The following SLTM variants were observed in gnomAD, a reference collection of about 807,000 sequenced individuals.
The protein encoded by SLTM is SAFB like transcription modulator.
Under a neutral mutation model 134.6 loss-of-function variants are expected in SLTM, and 43 were observed. That is an observed-to-expected ratio of 0.32 (90% confidence interval 0.25 to 0.41). SLTM has a LOEUF of 0.41. SLTM is among the 10% of genes least tolerant of loss of function. The probability of loss-of-function intolerance (pLI) is 1.00; values close to 1 mark genes in which losing one functional copy is unlikely to be tolerated. For synonymous variants in SLTM, 424 were observed against 432.3 expected, an observed-to-expected ratio of 0.98 and a Z score of 0.24; for missense variants, 1,055 against 1,288.8, an observed-to-expected ratio of 0.82 and a Z score of 2.78.
At position 58,899,812 on chromosome 15, in the gene SLTM, C is replaced by T; in HGVS notation, c.715G>A (p.Glu239Lys). The T allele has an allele frequency of 6.2e-7, 1 of 1,614,144 alleles. No homozygotes were observed. The highest frequency in any genetic ancestry group is 8.5e-7 in the Non-Finnish European group (1 of 1,180,022). Residue 239 changes from glutamate to lysine, a missense_variant, in exon 7 of 21, where the codon GAG (glutamate) becomes AAG (lysine). Transcript: ENST00000380516. This position sits in a 1 kb window ranked among gnomAD's most constrained non-coding sequence, Gnocchi z 5.0. ...MEAHTTVKEAEDDNISVTIQA... is the reference protein window; with the variant it reads ...MEAHTTVKEAKDDNISVTIQA... ...ATTGTGACCGAGATGTTGTCATCCT[C>T]AGCTTCTTTCACAGTCGTATGAGCT...
intron 2 of SLTM, among the ~76,000 whole-genome samples, 198 bp from the exon 3 acceptor site, chr15:58,917,197 C>T (rs578095150): frequency 6.6e-6 from 1 of 152,314 alleles, no homozygotes; most frequent in East Asian, 1.9e-4. Context: ...CATTGAAATA[C>T]ACCGTGCACA....
intron 19 of SLTM, among the ~76,000 whole-genome samples, chr15:58,885,814 A>C (rs1038755519): frequency 1.5e-4 from 22 of 144,376 alleles, no homozygotes; most frequent in Admixed American, 2.8e-4. Context: ...AAAACAAAAA[A>C]AACAACAACA....
intron 3 of SLTM, among the ~76,000 whole-genome samples, chr15:58,915,727 C>T (rs899125542): frequency 2.6e-5 from 4 of 151,650 alleles, no homozygotes; most frequent in Admixed American, 2.0e-4. Flanking sequence ...GTGTGTGCAG[C>T]GTGGAGAGTG....
chr15:58,916,888 T>C, intron 3 of SLTM, 47 bp downstream of exon 3: 11 of 1,548,882 alleles, frequency 7.1e-6, no homozygotes, highest in Non-Finnish European at 9.8e-6. Context: ...TGATGCAAAA[T>C]ACTAGGCTTA....
In SLTM at chr15:58,913,635, G is replaced by A. The variant is rs747863086; in HGVS notation, c.377C>T (p.Ser126Phe). The change falls in exon 4 of 21, where the codon TCT (serine) becomes TTT (phenylalanine). Residue 126 changes from serine to phenylalanine, a missense_variant. This residue lies in a region of SLTM where 268 missense variants were observed against 284.3 expected (regional missense o/e 0.94). Coordinates refer to ENST00000380516, the MANE Select transcript of SLTM (RefSeq NM_024755.4). The stretch of plus-strand genomic sequence containing the variant: ...TTCTTCATTTTCACCAAATTCTTCA[G>A]AGTCCTTTAGTTCATCATTTCCATC... ...EQDGNDELKD[S>F]EEFGENEEEN... 1 of 1,613,490 alleles carries A rather than the reference G, an allele frequency of 6.2e-7. No homozygotes were observed. Among genetic ancestry groups the A allele is most frequent in the Non-Finnish European group, 8.5e-7 (1 of 1,179,828 alleles).
chr15:58,882,471 C>A (rs781643806), intron 20 of SLTM, among the ~76,000 whole-genome samples: 3 of 152,124 alleles, frequency 2.0e-5, no homozygotes, highest in African/African-American at 4.8e-5. Flanking sequence ...AAGGCAGTCA[C>A]AAAGGCAGAA....
chr15:58,922,473 T>C (rs1018863903), intron 2 of SLTM, among the ~76,000 whole-genome samples: 10 of 145,244 alleles, frequency 6.9e-5, no homozygotes, highest in East Asian at 2.0e-4. Flanking sequence ...ATAATATGTA[T>C]AGTACATAAT....
chr15:58,909,067 C>T (rs556346441), intron 5 of SLTM, among the ~76,000 whole-genome samples: 17 of 152,186 alleles, frequency 1.1e-4, no homozygotes, highest in Non-Finnish European at 1.9e-4. Context: ...GTAGCGAACA[C>T]CTCCACCACC....
intron 5 of SLTM, among the ~76,000 whole-genome samples, chr15:58,904,807 T>C (rs1369198787): frequency 6.6e-6 from 1 of 152,046 alleles, no homozygotes; most frequent in Non-Finnish European, 1.5e-5. Context: ...GACTCCCTGG[T>C]TCAAGCAATT....
rs1472975664 is a variant in SLTM at position 58,919,616 on chromosome 15, C to T, written c.251-2617G>A. 3.3e-5 allele frequency among the ~76,000 whole-genome samples: 5 copies of T among 151,882 alleles called. No homozygotes were observed. The East Asian group carries it at 7.8e-4, about 24-fold the overall frequency. ...CTGCACTCCAGCCTGGGCAACAGAG[C>T]GAGACCCTACCTCAGAAGCAAAATA... On this transcript the variant is annotated intron_variant, in intron 2 of 20. Coordinates refer to ENST00000380516, the MANE Select transcript of SLTM (RefSeq NM_024755.4).
At chr15:58,898,889 A>G in intron 7 of SLTM, 37 bp from the exon 8 acceptor site, 1 of 1,500,168 alleles carries the variant, frequency 6.7e-7, no homozygotes, top group East Asian at 2.3e-5. Context: ...ATTGAAAACA[A>G]AAACAAAAAC....
intron 2 of SLTM, among the ~76,000 whole-genome samples, chr15:58,927,531 A>G (rs1383263152): frequency 6.6e-6 from 1 of 152,236 alleles, no homozygotes; most frequent in African/African-American, 2.4e-5. Flanking sequence ...TCAGCTTCCC[A>G]AAGTACTGGG....
In SLTM at chr15:58,899,041, C is replaced by A; in HGVS notation, c.1059-189G>T. The A allele has an allele frequency of 3.9e-6, 2 of 515,678 alleles. No individual in the cohort carries two copies. Among genetic ancestry groups the A allele is most frequent in the East Asian group, 3.4e-5 (1 of 29,458 alleles). 31.9% of individuals were successfully genotyped at this position (515,678 alleles called of 1,614,324 possible). A position where few individuals can be genotyped will look rare whatever the true frequency, so the allele number is the denominator to read the frequency against. The stretch of plus-strand genomic sequence containing the variant: ...CTTGCACTGATTTTCCCCAAGATGC[C>A]TGAAGATCTAGATTTTCTGACAATT... On this transcript the variant is annotated intron_variant, in intron 7 of 20. Transcript: ENST00000380516. This position sits in a 1 kb window ranked among gnomAD's most constrained non-coding sequence, Gnocchi z 5.0.
intron 5 of SLTM, among the ~76,000 whole-genome samples, chr15:58,906,028 C>T (rs556397969): frequency 2.0e-5 from 3 of 152,238 alleles, no homozygotes; most frequent in East Asian, 1.9e-4. Context: ...ATGAACCACA[C>T]GTAAATGCCT....
At position 58,917,810 on chromosome 15, in the gene SLTM, C is replaced by T. The variant is rs549317655; in HGVS notation, c.251-811G>A. Among the ~76,000 whole-genome samples, 7 of 152,114 alleles carry T rather than the reference C, an allele frequency of 4.6e-5. No homozygotes were observed. In the South Asian group the frequency reaches 8.3e-4, roughly 18 times the overall value. On this transcript the variant is annotated intron_variant, in intron 2 of 20. Transcript: ENST00000380516. ...TGTCGCCCAGGCTGGAATGCAGTGG[C>T]GCAATCTCGGCTCACTGTAACTTCC...
intron 16 of SLTM, 39 bp downstream of exon 16, chr15:58,889,391 C>T (rs2034487604): frequency 2.5e-6 from 4 of 1,610,582 alleles, no homozygotes; most frequent in African/African-American, 1.3e-5. Context: ...GGGAATAAAA[C>T]AGCAAGGTTA....
intron 19 of SLTM, among the ~76,000 whole-genome samples, chr15:58,885,217 A>G (rs2034083128): frequency 6.6e-6 from 1 of 152,196 alleles, no homozygotes; most frequent in South Asian, 2.1e-4. Context: ...AAAGAAACAG[A>G]AACTGTAGAA....
chr15:58,904,144 C>G (rs1655077058), intron 5 of SLTM, among the ~76,000 whole-genome samples: 2 of 152,074 alleles, frequency 1.3e-5, no homozygotes. Context: ...GCTGGAACCA[C>G]AGGTGTATGC....
At chr15:58,920,754 G>C (rs577101019) in intron 2 of SLTM, among the ~76,000 whole-genome samples, 3 of 152,012 alleles carry the variant, frequency 2.0e-5, no homozygotes, top group African/African-American at 7.2e-5. Context: ...TCAGGAGTTC[G>C]AGACCAGCCT....
Sources: allele counts gnomAD v4.1 joint callset (sites outside exome capture counted in the v4.1 genomes callset), GRCh38; gene constraint gnomAD v4.1.1; regional missense constraint gnomAD v4.1.1; non-coding constraint Gnocchi (gnomAD v3.1); transcripts MANE v1.5; gene names NCBI Gene and HGNC (gene_info 2026-07-23, HGNC 2026-07-21).